The following APBB2 variants were observed in gnomAD, a reference collection of about 807,000 sequenced individuals.
APBB2 encodes the protein amyloid beta precursor protein binding family B member 2.
APBB2 carries 38 observed loss-of-function variants against 82.5 expected under a neutral mutation model. The ratio of observed to expected loss-of-function variants is 0.46; its 90% confidence interval spans 0.36 to 0.60. The LOEUF (loss-of-function observed/expected upper bound fraction) is 0.60. Ranked by LOEUF, APBB2 falls within the 20% of genes least tolerant of loss-of-function variation. The probability of loss-of-function intolerance (pLI) is 0.00; values close to 1 mark genes in which losing one functional copy is unlikely to be tolerated. For synonymous variants in APBB2, 341 were observed against 368.2 expected (o/e 0.93, Z 0.85); for missense variants, 772 against 972.3 (o/e 0.79, Z 2.74).
intron 5 of APBB2, among the ~76,000 whole-genome samples, chr4:41,021,363 A>G (rs940179566): frequency 1.3e-5 from 2 of 152,226 alleles, no homozygotes; most frequent in Admixed American, 6.5e-5. Context: ...AGGTGAAGTC[A>G]GCTGGACTTC....
chr4:41,208,168 G>A (rs563997243), intron 1 of APBB2, among the ~76,000 whole-genome samples: 2 of 152,212 alleles, frequency 1.3e-5, no homozygotes, highest in African/African-American at 4.8e-5. Flanking sequence ...CTTCAACAAT[G>A]GCATTTCCCT....
intron 1 of APBB2, among the ~76,000 whole-genome samples, chr4:41,157,712 G>C (rs1763830968): frequency 6.6e-6 from 1 of 152,166 alleles, no homozygotes; most frequent in Non-Finnish European, 1.5e-5. Context: ...ACGACTCCAG[G>C]CCGCGCAGTG....
intron 12 of APBB2, among the ~76,000 whole-genome samples, chr4:40,859,442 T>G (rs1762231605): frequency 6.6e-6 from 1 of 152,096 alleles, no homozygotes; most frequent in African/African-American, 2.4e-5. Flanking sequence ...TGGCCTCAAG[T>G]AATCTGCCCA....
At chr4:41,008,874 G>A (rs16852680) in intron 6 of APBB2, among the ~76,000 whole-genome samples, 29 of 152,252 alleles carry the variant, frequency 1.9e-4, no homozygotes, top group African/African-American at 7.0e-4. Context: ...ATCATGAGGC[G>A]CATTGCCACA....
At chr4:40,881,105 A>C (rs1560780573) in intron 12 of APBB2, 1 of 985,302 alleles carries the variant, frequency 1.0e-6, no homozygotes, top group African/African-American at 1.7e-5. Flanking sequence ...TTTTAAAGAG[A>C]TAAAATAGAA....
chr4:40,873,183 C>G (rs1765996301), intron 12 of APBB2, among the ~76,000 whole-genome samples: 1 of 151,886 alleles, frequency 6.6e-6, no homozygotes, highest in African/African-American at 2.4e-5. Flanking sequence ...ATAATCTGCT[C>G]TACCAGTTCT....
rs377095804 is a variant in APBB2, at chr4:41,123,850, C to CA, written c.-261+19136dup. Among the ~76,000 whole-genome samples, 1,012 of 150,496 alleles carry CA rather than the reference C, an allele frequency of 6.7e-3. 11 individuals carry two copies. The highest frequency in any genetic ancestry group is 0.021 in the African/African-American group (854 of 41,040). On this transcript the variant is annotated intron_variant, in intron 2 of 17. Transcript: ENST00000508593. ...AAAAAAACCAAAAAACAAAACAAAA[C>CA]AAAAAAAAACCACAAGTAAATTTAA...
chr4:40,968,477 C>T (rs1480734314), intron 6 of APBB2, among the ~76,000 whole-genome samples: 1 of 152,118 alleles, frequency 6.6e-6, no homozygotes, highest in African/African-American at 2.4e-5. Flanking sequence ...TTCTCATGAA[C>T]ATCCATTTCA....
intron 1 of APBB2, among the ~76,000 whole-genome samples, chr4:41,187,614 T>C (rs1045518528): frequency 6.6e-6 from 1 of 152,226 alleles, no homozygotes; most frequent in Non-Finnish European, 1.5e-5. Flanking sequence ...AATACTGTAA[T>C]ACTATCTATT....
At chr4:40,877,727 C>T (rs2154343967) in intron 12 of APBB2, among the ~76,000 whole-genome samples, 1 of 152,314 alleles carries the variant, frequency 6.6e-6, no homozygotes, top group African/African-American at 2.4e-5. Flanking sequence ...TTGAGACTTG[C>T]AGTTTTCTAG....
At chr4:41,068,366 A>G (rs4345225) in intron 3 of APBB2, among the ~76,000 whole-genome samples, 79,079 of 152,020 alleles carry the variant, frequency 0.52, 21,250 homozygotes, top group East Asian at 0.72. Context: ...GGGCTACAGG[A>G]AAGATAAATC....
At position 40,872,807 on chromosome 4, in the gene APBB2, C is replaced by T. The variant is rs115892584; in HGVS notation, c.1529+17557G>A. Among the ~76,000 whole-genome samples, 484 of 151,810 alleles carry T rather than the reference C, an allele frequency of 3.2e-3. 1 individual carries two copies. The highest frequency in any genetic ancestry group is 6.8e-3 in the Middle Eastern group (2 of 294). On this transcript the variant is annotated intron_variant, in intron 12 of 17. Transcript: ENST00000508593. ...AGGTTAAAAAAAAAAAAGATGGCGC[C>T]GGGTGCAGTGGTTCACACTTGTAAT...
At chr4:40,945,201 T>C (rs1196477100) in intron 6 of APBB2, 128 bp from the exon 7 acceptor site, 1 of 700,382 alleles carries the variant, frequency 1.4e-6, no homozygotes, top group Non-Finnish European at 2.5e-6. Context: ...CTTCCTGGTA[T>C]GTTTGTGAAA....
chr4:41,091,271 G>T (rs1448875940), intron 3 of APBB2, among the ~76,000 whole-genome samples: 1 of 152,148 alleles, frequency 6.6e-6, no homozygotes, highest in Non-Finnish European at 1.5e-5. Context: ...ATTTTTGTTT[G>T]CAAGACTTTG....
At chr4:40,956,001 C>T (rs190308769) in intron 6 of APBB2, among the ~76,000 whole-genome samples, 49 of 152,034 alleles carry the variant, frequency 3.2e-4, no homozygotes, top group African/African-American at 1.1e-3. Context: ...CTCGAACTCC[C>T]GACGTCATGT....
chr4:40,995,493 T>C (rs58142809), intron 6 of APBB2, among the ~76,000 whole-genome samples: 3,524 of 151,696 alleles, frequency 0.023, 139 homozygotes, highest in African/African-American at 0.081. Context: ...GCATCCTGAG[T>C]AGCTGGGACC....
chr4:40,947,595 TGA>T (rs1788804275), intron 6 of APBB2, among the ~76,000 whole-genome samples: 1 of 152,246 alleles, frequency 6.6e-6, no homozygotes, highest in South Asian at 2.1e-4. Flanking sequence ...AAGCTTACGC[TGA>T]GATTTTGTTG....
At chr4:41,172,501 C>G (rs1401746311) in intron 1 of APBB2, among the ~76,000 whole-genome samples, 1 of 152,226 alleles carries the variant, frequency 6.6e-6, no homozygotes, top group Non-Finnish European at 1.5e-5. Flanking sequence ...GAAACTACCA[C>G]CATTTCAAAT....
chr4:40,835,412 G>A (rs957237332), intron 12 of APBB2, among the ~76,000 whole-genome samples: 1 of 152,210 alleles, frequency 6.6e-6, no homozygotes, highest in African/African-American at 2.4e-5. Context: ...GACGGGCAAT[G>A]AGGTTTGAGC....
Sources: gnomAD v4.1 joint callset for allele counts (sites outside exome capture counted in the v4.1 genomes callset) on GRCh38, gnomAD v4.1.1 for gene constraint, MANE v1.5 for transcripts, NCBI Gene and HGNC (gene_info 2026-07-23, HGNC 2026-07-21) for gene names.